Variants in BTC observed in about 807,000 individuals in gnomAD.
BTC encodes probetacellulin.
Under a neutral mutation model 18.1 loss-of-function variants are expected in BTC, and 13 were observed. The observed-to-expected ratio is 0.72, with a 90% CI of 0.47 to 1.14. BTC has a LOEUF of 1.14. Ranked by LOEUF, BTC falls within the 50% of genes most tolerant of loss-of-function variation. The pLI is 0.00. For synonymous variants in BTC, 83 were observed against 79.4 expected, an observed-to-expected ratio of 1.05 and a Z score of -0.24; for missense variants, 247 against 224.2, an observed-to-expected ratio of 1.10 and a Z score of -0.65.
At position 74,750,590 on chromosome 4, in the gene BTC, A is replaced by G; in HGVS notation, c.411T>C (p.Gly137=). ...VMVVFIILVI[G]VCTCCHPLRK... ...ATACTTACTGACAGCATGTGCAGACACCGATGACCAAAATAATAAAAACTA... is the reference window on the plus strand; with the variant it reads ...ATACTTACTGACAGCATGTGCAGACGCCGATGACCAAAATAATAAAAACTA... Residue 137 remains glycine (G), a synonymous_variant, in exon 4 of 6, where the codon GGT becomes GGC. Transcript: ENST00000395743. The G allele has an allele frequency of 6.2e-7, 1 of 1,613,324 alleles. No individual in the cohort carries two copies. The highest frequency in any genetic ancestry group is 8.5e-7 in the Non-Finnish European group (1 of 1,179,706).
At chr4:74,790,833 G>A (rs1232114684) in intron 1 of BTC, among the ~76,000 whole-genome samples, 1 of 152,202 alleles carries the variant, frequency 6.6e-6, no homozygotes, top group Admixed American at 6.5e-5. Context: ...CTGGAAGCAA[G>A]GAAGAGCCAG....
At position 74,776,065 on chromosome 4, in the gene BTC, G is replaced by C. The variant is rs1025586757; in HGVS notation, c.65-5909C>G. On this transcript the variant is annotated intron_variant, in intron 1 of 5. Coordinates refer to ENST00000395743, the MANE Select transcript of BTC (RefSeq NM_001729.4). ...TTTTTGCCTATCACATTAATACTGG[G>C]GTTTTATTCTCCTTACCATAAAATG... Among the ~76,000 whole-genome samples the C allele has an allele frequency of 7.2e-5, 11 of 151,822 alleles. No homozygotes were observed. The East Asian group carries it at 2.1e-3, about 29-fold the overall frequency.
intron 4 of BTC, among the ~76,000 whole-genome samples, chr4:74,749,678 A>AT (rs1560708204): frequency 1.7e-4 from 15 of 90,622 alleles, no homozygotes; most frequent in South Asian, 3.7e-4. Flanking sequence ...TTAATAAGAT[A>AT]GTTTTTTTTG....
chr4:74,748,210 T>A, intron 4 of BTC, 61 bp from the exon 5 acceptor site: 1 of 1,025,508 alleles, frequency 9.8e-7, no homozygotes, highest in Non-Finnish European at 1.5e-6. Context: ...CACAAAATTA[T>A]CCATCAAGAG....
chr4:74,757,542 A>C (rs782486902), intron 2 of BTC, among the ~76,000 whole-genome samples: 5 of 152,258 alleles, frequency 3.3e-5, no homozygotes, highest in Admixed American at 6.5e-5. Flanking sequence ...TGACAAATCA[A>C]TTGATGTCAA....
At chr4:74,751,711 T>A (rs1333765530) in intron 3 of BTC, among the ~76,000 whole-genome samples, 4 of 152,166 alleles carry the variant, frequency 2.6e-5, no homozygotes, top group Non-Finnish European at 5.9e-5. Flanking sequence ...CCCCATAGAA[T>A]TATCTGAACT....
At chr4:74,782,221 T>A (rs1264739243) in intron 1 of BTC, among the ~76,000 whole-genome samples, 1 of 152,148 alleles carries the variant, frequency 6.6e-6, no homozygotes, top group Admixed American at 6.6e-5. Flanking sequence ...ACCTAGGTAT[T>A]AAGCTCAACG....
chr4:74,775,607 C>T (rs1045142528), intron 1 of BTC, among the ~76,000 whole-genome samples: 6 of 152,114 alleles, frequency 3.9e-5, no homozygotes, highest in Admixed American at 2.0e-4. Flanking sequence ...CAATCTCTTC[C>T]GAAATATGCC....
chr4:74,784,847 CA>C (rs1725438285), intron 1 of BTC, among the ~76,000 whole-genome samples: 1 of 152,300 alleles, frequency 6.6e-6, no homozygotes, highest in Non-Finnish European at 1.5e-5. Context: ...TTGATTTTTG[CA>C]TCAACGTTCA....
intron 2 of BTC, among the ~76,000 whole-genome samples, chr4:74,764,873 C>T (rs1480676847): frequency 1.3e-5 from 2 of 152,052 alleles, no homozygotes; most frequent in East Asian, 3.9e-4. Flanking sequence ...ACTTGCAGTT[C>T]CACATGGCTG....
At chr4:74,750,880 A>AT (rs750184126) in intron 3 of BTC, among the ~76,000 whole-genome samples, 161 bp from the exon 4 acceptor site, 22 of 151,394 alleles carry the variant, frequency 1.5e-4, no homozygotes, top group Admixed American at 2.0e-4. Flanking sequence ...AGTAATTTCA[A>AT]TTTTTTTTTG....
chr4:74,788,440 G>T (rs1369985882), intron 1 of BTC, among the ~76,000 whole-genome samples: 1 of 152,154 alleles, frequency 6.6e-6, no homozygotes, highest in Non-Finnish European at 1.5e-5. Flanking sequence ...TCTGTACGAT[G>T]CAATTTAAAC....
chr4:74,757,739 A>T (rs569495899), intron 2 of BTC, among the ~76,000 whole-genome samples: 3 of 152,264 alleles, frequency 2.0e-5, no homozygotes, highest in Non-Finnish European at 4.4e-5. Context: ...CACTGGAAAC[A>T]GTAGAAAGAA....
At position 74,762,297 on chromosome 4, in the gene BTC, G is replaced by A. The variant is rs74895632; in HGVS notation, c.164-6321C>T. Among the ~76,000 whole-genome samples, 1,301 of 152,306 alleles carry A rather than the reference G, an allele frequency of 8.5e-3. 22 individuals are homozygous for A. Among genetic ancestry groups the A allele is most frequent in the African/African-American group, 0.03 (1,248 of 41,578 alleles). On this transcript the variant is annotated intron_variant, in intron 2 of 5. Transcript: ENST00000395743. ...ACAACACACTTTCTAGAGAGATGGT[G>A]TCTCTGAATTCATGTCAGGCTACTT...
intron 1 of BTC, among the ~76,000 whole-genome samples, chr4:74,779,970 C>G (rs11941851): frequency 0.025 from 3,767 of 152,124 alleles, 165 homozygotes; most frequent in African/African-American, 0.086. Context: ...ATGTGTTAAG[C>G]TGGAAAAATC....
At chr4:74,781,905 T>C (rs1207505626) in intron 1 of BTC, among the ~76,000 whole-genome samples, 1 of 152,120 alleles carries the variant, frequency 6.6e-6, no homozygotes, top group African/African-American at 2.4e-5. Context: ...CTGCTTTCCA[T>C]CTCTATGACT....
At chr4:74,780,385 A>G (rs1353697295) in intron 1 of BTC, among the ~76,000 whole-genome samples, 1 of 152,202 alleles carries the variant, frequency 6.6e-6, no homozygotes. Context: ...ATGTTTCTGC[A>G]AAGGCAAATG....
At chr4:74,781,398 T>TGTGTGTGTGTGC (rs1422354043) in intron 1 of BTC, among the ~76,000 whole-genome samples, 6 of 151,674 alleles carry the variant, frequency 4.0e-5, no homozygotes, top group African/African-American at 1.2e-4. Flanking sequence ...TGTGTGTGTG[T>TGTGTGTGTGTGC]GTGTGTGTGT....
intron 1 of BTC, among the ~76,000 whole-genome samples, chr4:74,793,787 CAA>C (rs202210803): frequency 0.017 from 2,636 of 152,276 alleles, 80 homozygotes; most frequent in African/African-American, 0.062. Context: ...CACCTTCAGT[CAA>C]AGAGTTCCCG....
Sources: allele counts gnomAD v4.1 joint callset (sites outside exome capture counted in the v4.1 genomes callset), GRCh38; gene constraint gnomAD v4.1.1; transcripts MANE v1.5; gene names NCBI Gene and HGNC (gene_info 2026-07-23, HGNC 2026-07-21).